ASTN1: variants seen among roughly 807,000 people sequenced by gnomAD.
ASTN1 encodes astrotactin 1, also known as astrotactin-1.
ASTN1 carries 41 observed loss-of-function variants against 140.7 expected under a neutral mutation model. That is an observed-to-expected ratio of 0.29 (90% confidence interval 0.23 to 0.38). The LOEUF (loss-of-function observed/expected upper bound fraction) is 0.38. Among genes scored for constraint, ASTN1 ranks in the 10% least tolerant of loss-of-function variants. The pLI, the probability that ASTN1 is intolerant of heterozygous loss-of-function variation, is 1.00. For missense variants in ASTN1, 1,479 were observed against 1,678.8 expected, an observed-to-expected ratio of 0.88 and a Z score of 2.08; for synonymous variants, 640 against 652.2, an observed-to-expected ratio of 0.98 and a Z score of 0.29.
chr1:176,958,229 G>T, intron 10 of ASTN1, 116 bp downstream of exon 10: 1 of 1,516,182 alleles, frequency 6.6e-7, no homozygotes, highest in Non-Finnish European at 8.9e-7. Context: ...CAGGCTGCCT[G>T]CCAATTTTTC....
At chr1:176,868,483 A>C (rs1668208306) in intron 22 of ASTN1, among the ~76,000 whole-genome samples, 1 of 152,242 alleles carries the variant, frequency 6.6e-6, no homozygotes, top group South Asian at 2.1e-4. Context: ...AATGCAAAAA[A>C]AATTTTTAGA....
chr1:177,046,921 T>G (rs1373405587), intron 2 of ASTN1, among the ~76,000 whole-genome samples: 1 of 152,154 alleles, frequency 6.6e-6, no homozygotes, highest in Admixed American at 6.5e-5. Context: ...ACAGTGCCAC[T>G]GACCAGCCAT....
chr1:177,152,689 G>T (rs1371471754), intron 1 of ASTN1, among the ~76,000 whole-genome samples: 2 of 151,860 alleles, frequency 1.3e-5, no homozygotes, highest in Non-Finnish European at 1.5e-5. Flanking sequence ...AATACCACTA[G>T]CTTTTGTTAT....
Position 176,862,394 on chromosome 1 carries a change from A to G in ASTN1, c.*1890T>C, listed in dbSNP as rs1354810555. 1 of 985,376 alleles carries G rather than the reference A, an allele frequency of 1.0e-6. No homozygotes were observed. The highest frequency in any genetic ancestry group is 1.2e-6 in the Non-Finnish European group (1 of 830,004). 61.0% of individuals were successfully genotyped at this position (985,376 alleles called of 1,614,324 possible). A position where few individuals can be genotyped will look rare whatever the true frequency, so the allele number is the denominator to read the frequency against. On this transcript the variant is annotated 3_prime_UTR_variant, in exon 23 of 23. Transcript: ENST00000361833. ...CATGTGCAGTGGAACTAGGGGTCCC[A>G]AGGGTGCTCTAGCTCCAAAGGCTAA...
At chr1:177,017,131 C>T (rs758732922) in intron 7 of ASTN1, among the ~76,000 whole-genome samples, 8 of 152,210 alleles carry the variant, frequency 5.3e-5, no homozygotes, top group Non-Finnish European at 1.0e-4. Flanking sequence ...GCAATACCTA[C>T]CATTTGTATA....
At chr1:177,074,714 A>G (rs568392392) in intron 1 of ASTN1, among the ~76,000 whole-genome samples, 3 of 152,314 alleles carry the variant, frequency 2.0e-5, no homozygotes, top group South Asian at 2.1e-4. Flanking sequence ...GCAATTCTTC[A>G]TGATGCACGT....
intron 2 of ASTN1, among the ~76,000 whole-genome samples, chr1:177,034,244 A>AACACACACAC (rs5778922): frequency 7.7e-5 from 11 of 143,392 alleles, no homozygotes; most frequent in African/African-American, 2.6e-4. Flanking sequence ...TGAGCAAAGG[A>AACACACACAC]ACACACACAC....
intron 7 of ASTN1, among the ~76,000 whole-genome samples, chr1:177,020,416 A>AT (rs1282304686): frequency 6.6e-6 from 1 of 152,124 alleles, no homozygotes; most frequent in Non-Finnish European, 1.5e-5. Flanking sequence ...GGCTGCTGAC[A>AT]TTCCTTGGCT....
chr1:177,123,924 A>C (rs1224655482), intron 1 of ASTN1, among the ~76,000 whole-genome samples: 1 of 152,210 alleles, frequency 6.6e-6, no homozygotes, highest in African/African-American at 2.4e-5. Flanking sequence ...CAGAATGGCA[A>C]GTCTATTTCC....
chr1:177,026,961 G>C (rs1036072985), intron 5 of ASTN1, among the ~76,000 whole-genome samples: 1 of 152,060 alleles, frequency 6.6e-6, no homozygotes, highest in African/African-American at 2.4e-5. Context: ...CAAGGCCCTT[G>C]GAATCAAGCT....
At chr1:176,861,048 A>T, downstream of ASTN1, 1 of 942,524 alleles carries the variant, frequency 1.1e-6, no homozygotes, top group Non-Finnish European at 1.3e-6. Context: ...ACTGAAAGAC[A>T]CAACATCCAC....
At chr1:177,044,630 T>C (rs1255125644) in intron 2 of ASTN1, among the ~76,000 whole-genome samples, 1 of 152,222 alleles carries the variant, frequency 6.6e-6, no homozygotes, top group Non-Finnish European at 1.5e-5. Context: ...CAGGTTTTGA[T>C]TTGCTGATGA....
At chr1:176,965,664 T>C (rs1672846750) in intron 8 of ASTN1, among the ~76,000 whole-genome samples, 1 of 152,194 alleles carries the variant, frequency 6.6e-6, no homozygotes, top group African/African-American at 2.4e-5. Flanking sequence ...TGTCTGACCA[T>C]GGACCGATAA....
chr1:176,964,420 G>A (rs1301759365), intron 9 of ASTN1, among the ~76,000 whole-genome samples: 2 of 152,180 alleles, frequency 1.3e-5, no homozygotes, highest in Non-Finnish European at 2.9e-5. Flanking sequence ...TGTATGTTAA[G>A]TGAATGATAG....
At chr1:177,051,168 C>T (rs1047100117) in intron 2 of ASTN1, among the ~76,000 whole-genome samples, 3 of 152,184 alleles carry the variant, frequency 2.0e-5, no homozygotes, top group Non-Finnish European at 4.4e-5. Flanking sequence ...CCTTAAGTGA[C>T]AATTATAATC....
chr1:176,912,300 C>A (rs947859209), intron 16 of ASTN1, among the ~76,000 whole-genome samples: 2 of 152,208 alleles, frequency 1.3e-5, no homozygotes, highest in African/African-American at 4.8e-5. Flanking sequence ...AGTGCAAACA[C>A]AGCTATGGGT....
At chr1:177,163,831 T>A (rs1336964039) in intron 1 of ASTN1, among the ~76,000 whole-genome samples, 1 of 151,870 alleles carries the variant, frequency 6.6e-6, no homozygotes, top group Non-Finnish European at 1.5e-5. Context: ...ATAAGAAACT[T>A]GAGTGTTTGG....
At chr1:177,146,134 G>C (rs1224503550) in intron 1 of ASTN1, among the ~76,000 whole-genome samples, 1 of 151,534 alleles carries the variant, frequency 6.6e-6, no homozygotes, top group Non-Finnish European at 1.5e-5. Context: ...ACGAAAAATA[G>C]TGAGAACAAT....
At chr1:177,109,719 G>T (rs930622157) in intron 1 of ASTN1, among the ~76,000 whole-genome samples, 1 of 152,086 alleles carries the variant, frequency 6.6e-6, no homozygotes, top group African/African-American at 2.4e-5. Flanking sequence ...AGCAAAAATG[G>T]GTTCTCATCT....
Sources: gnomAD v4.1 joint callset for allele counts (sites outside exome capture counted in the v4.1 genomes callset) on GRCh38, gnomAD v4.1.1 for gene constraint, MANE v1.5 for transcripts, NCBI Gene and HGNC (gene_info 2026-07-23, HGNC 2026-07-21) for gene names.